Variants in FOXK1 observed in about 807,000 individuals in gnomAD.
FOXK1 encodes the protein forkhead box K1.
A neutral mutation model predicts 51.9 loss-of-function variants in FOXK1; 19 were observed. The observed-to-expected ratio is 0.37, with a 90% CI of 0.26 to 0.54. The LOEUF (loss-of-function observed/expected upper bound fraction) is 0.54, where lower values mean the gene tolerates loss of function less well. FOXK1 is among the 20% of genes least tolerant of loss of function. FOXK1 has a pLI of 0.87. For missense variants in FOXK1, 870 were observed against 1,032.7 expected (o/e 0.84, Z 2.16); for synonymous variants, 537 against 482.6 (o/e 1.11, Z -1.48).
rs531922825 is a variant in FOXK1 at position 4,763,594 on chromosome 7, C to A, written c.*1130C>A. The A allele has an allele frequency of 6.6e-6, 1 of 152,496 alleles. No homozygotes were observed. The highest frequency in any genetic ancestry group is 2.1e-4 in the South Asian group (1 of 4,836). The allele number at this position is 152,496 out of a possible 1,614,324, so 9.4% of individuals were successfully genotyped here. On this transcript the variant is annotated 3_prime_UTR_variant, in exon 9 of 9. Transcript: ENST00000328914. The stretch of plus-strand genomic sequence containing the variant: ...AGTGGTGAGCAGGCCTGTGCCTCCA[C>A]GCCCAGCCCCCGCCAACGCGACTGG...
At chr7:4,721,871 G>A (rs573275935) in intron 1 of FOXK1, among the ~76,000 whole-genome samples, 7 of 152,240 alleles carry the variant, frequency 4.6e-5, no homozygotes, top group Middle Eastern at 3.4e-3. Context: ...GATTACAGGC[G>A]TGAGCCACCA....
intron 1 of FOXK1, among the ~76,000 whole-genome samples, chr7:4,708,320 C>T (rs1780131008): frequency 6.6e-6 from 1 of 152,128 alleles, no homozygotes; most frequent in Non-Finnish European, 1.5e-5. Context: ...TGACCCCAGC[C>T]GCCCTTAGGA....
At chr7:4,721,526 A>G (rs977060649) in intron 1 of FOXK1, among the ~76,000 whole-genome samples, 1 of 152,038 alleles carries the variant, frequency 6.6e-6, no homozygotes, top group Non-Finnish European at 1.5e-5. Flanking sequence ...CCAGCTCTCC[A>G]ATGATAAGAG....
Position 4,765,397 on chromosome 7 carries a change from A to G in FOXK1, c.*2933A>G, listed in dbSNP as rs1780997256. 1 of 152,268 alleles carries G rather than the reference A, an allele frequency of 6.6e-6. No homozygotes were observed. Among genetic ancestry groups the G allele is most frequent in the South Asian group, 2.1e-4 (1 of 4,836 alleles). 9.4% of individuals were successfully genotyped at this position (152,268 alleles called of 1,614,324 possible). A position where few individuals can be genotyped will look rare whatever the true frequency, so the allele number is the denominator to read the frequency against. On this transcript the variant is annotated 3_prime_UTR_variant, in exon 9 of 9. Coordinates refer to ENST00000328914, the MANE Select transcript of FOXK1 (RefSeq NM_001037165.2). ...TTTCGCAGAAGCAAGAGCACAGGCC[A>G]GGGGGACCGGGAGAGCCTCAGCCCC... is the stretch of plus-strand genomic sequence containing the variant.
At position 4,700,328 on chromosome 7, in the gene FOXK1, C is replaced by T. The variant is rs141654155; in HGVS notation, c.560+17460C>T. Among the ~76,000 whole-genome samples, 209 of 152,258 alleles carry T rather than the reference C, an allele frequency of 1.4e-3. 1 individual carries two copies. Among genetic ancestry groups the T allele is most frequent in the African/African-American group, 4.8e-3 (199 of 41,540 alleles). Reference sequence around the variant, plus strand: ...TAAACAAATAGGAGAGATCTGAATGCAAAAATAACCTGGTGTAAGAAAGTG... The same window carrying T: ...TAAACAAATAGGAGAGATCTGAATGTAAAAATAACCTGGTGTAAGAAAGTG... On this transcript the variant is annotated intron_variant, in intron 1 of 8. Coordinates refer to ENST00000328914, the MANE Select transcript of FOXK1 (RefSeq NM_001037165.2).
Position 4,748,854 on chromosome 7 carries a change from T to C in FOXK1, c.747-5605T>C, listed in dbSNP as rs1260141810. Among the ~76,000 whole-genome samples the C allele has an allele frequency of 6.6e-6, 1 of 152,070 alleles. No individual in the cohort carries two copies. Among genetic ancestry groups the C allele is most frequent in the East Asian group, 1.9e-4 (1 of 5,184 alleles). The stretch of plus-strand genomic sequence containing the variant: ...CCACCATGCCCGGCTAATTTTTGTA[T>C]TTTTTGTAGAGGTGGGGTCTCCCCA... On this transcript the variant is annotated intron_variant, in intron 2 of 8. Transcript: ENST00000328914. This position sits in a 1 kb window ranked among gnomAD's most constrained non-coding sequence, Gnocchi z 4.9.
Position 4,707,453 on chromosome 7 carries a change from C to G in FOXK1, c.560+24585C>G, listed in dbSNP as rs1312476553. 6.6e-6 allele frequency among the ~76,000 whole-genome samples: 1 copy of G among 152,208 alleles called. No homozygotes were observed. The highest frequency in any genetic ancestry group is 1.5e-5 in the Non-Finnish European group (1 of 68,040). On this transcript the variant is annotated intron_variant, in intron 1 of 8. Coordinates refer to ENST00000328914, the MANE Select transcript of FOXK1 (RefSeq NM_001037165.2). This position sits in a 1 kb window ranked among gnomAD's most constrained non-coding sequence, Gnocchi z 4.1. ...GCGGGCTTTCCGTGTTATTAATCTA[C>G]TTTATGACCCAGTTTCCCCAAATGG...
rs1454965321 is a variant in FOXK1, at chr7:4,731,579, G to T, written c.561-9259G>T. Among the ~76,000 whole-genome samples, 2 of 152,054 alleles carry T rather than the reference G, an allele frequency of 1.3e-5. No homozygotes were observed. The highest frequency in any genetic ancestry group is 4.8e-5 in the African/African-American group (2 of 41,402). ...GTTCAAGACCAGCCTGGCCAACATG[G>T]TGAAACCCCATCTCTACTAAAAATA... On this transcript the variant is annotated intron_variant, in intron 1 of 8. Coordinates refer to ENST00000328914, the MANE Select transcript of FOXK1 (RefSeq NM_001037165.2). The surrounding 1 kb of genome is among the most constrained non-coding windows in gnomAD (Gnocchi z 5.3).
chr7:4,687,731 G>A (rs1430201909), intron 1 of FOXK1, among the ~76,000 whole-genome samples: 1 of 151,894 alleles, frequency 6.6e-6, no homozygotes, highest in Non-Finnish European at 1.5e-5. Flanking sequence ...AAGCCTTTTC[G>A]CCCAGTATTT....
At position 4,747,968 on chromosome 7, in the gene FOXK1, T is replaced by C. The variant is rs1780727942; in HGVS notation, c.747-6491T>C. ...TCAAGCGATCCTCCCACCTCAGCCG[T>C]GACTACAGGAGCAATCCACTAGTTA... On this transcript the variant is annotated intron_variant, in intron 2 of 8. Coordinates refer to ENST00000328914, the MANE Select transcript of FOXK1 (RefSeq NM_001037165.2). The surrounding 1 kb of genome is among the most constrained non-coding windows in gnomAD (Gnocchi z 9.2). Among the ~76,000 whole-genome samples the C allele has an allele frequency of 1.3e-5, 2 of 152,142 alleles. No individual in the cohort carries two copies. Among genetic ancestry groups the C allele is most frequent in the African/African-American group, 4.8e-5 (2 of 41,418 alleles).
In FOXK1 at chr7:4,731,389, G is replaced by A. The variant is rs559544489; in HGVS notation, c.561-9449G>A. Among the ~76,000 whole-genome samples the A allele has an allele frequency of 6.6e-6, 1 of 152,246 alleles. No individual in the cohort carries two copies. The highest frequency in any genetic ancestry group is 1.5e-5 in the Non-Finnish European group (1 of 68,036). ...AAAATTCGAAAAGTACCTGGAGTAT[G>A]TAACAGCTTTTGCCTCCCATTCTTG... is the stretch of plus-strand genomic sequence containing the variant. On this transcript the variant is annotated intron_variant, in intron 1 of 8. Coordinates refer to ENST00000328914, the MANE Select transcript of FOXK1 (RefSeq NM_001037165.2). The surrounding 1 kb of genome is among the most constrained non-coding windows in gnomAD (Gnocchi z 5.3).
intron 1 of FOXK1, among the ~76,000 whole-genome samples, chr7:4,697,253 A>G (rs576175327): frequency 7.9e-5 from 12 of 152,254 alleles, no homozygotes; most frequent in African/African-American, 2.9e-4. Flanking sequence ...CACTCAAGCC[A>G]GTGACCAGAG....
At chr7:4,710,446 G>T (rs866269498) in intron 1 of FOXK1, among the ~76,000 whole-genome samples, 1 of 152,242 alleles carries the variant, frequency 6.6e-6, no homozygotes, top group African/African-American at 2.4e-5. Flanking sequence ...GTGGTGAGGG[G>T]TGCCTGTAAT....
rs1440334423 is a variant in FOXK1 at position 4,749,584 on chromosome 7, G to C, written c.747-4875G>C. Among the ~76,000 whole-genome samples the C allele has an allele frequency of 6.6e-6, 1 of 152,176 alleles. No individual in the cohort carries two copies. Among genetic ancestry groups the C allele is most frequent in the East Asian group, 1.9e-4 (1 of 5,182 alleles). On this transcript the variant is annotated intron_variant, in intron 2 of 8. Coordinates refer to ENST00000328914, the MANE Select transcript of FOXK1 (RefSeq NM_001037165.2). The surrounding 1 kb of genome is among the most constrained non-coding windows in gnomAD (Gnocchi z 6.0). ...GCAGCTCCTTCCTCCAGCCCCTCCA[G>C]GCGGGTCCCTCTGTGTCTCTAGGGC...
chr7:4,748,867 T>G lies in FOXK1; in HGVS notation c.747-5592T>G, dbSNP rs1369116810. Among the ~76,000 whole-genome samples, 1 of 152,006 alleles carries G rather than the reference T, an allele frequency of 6.6e-6. No individual in the cohort carries two copies. Among genetic ancestry groups the G allele is most frequent in the Non-Finnish European group, 1.5e-5 (1 of 67,972 alleles). ...CTAATTTTTGTATTTTTTGTAGAGG[T>G]GGGGTCTCCCCATGTTGCCCAGGCT... On this transcript the variant is annotated intron_variant, in intron 2 of 8. Transcript: ENST00000328914. The surrounding 1 kb of genome is among the most constrained non-coding windows in gnomAD (Gnocchi z 4.9).
At chr7:4,696,710 G>A (rs1779956666) in intron 1 of FOXK1, among the ~76,000 whole-genome samples, 1 of 152,154 alleles carries the variant, frequency 6.6e-6, no homozygotes, top group Non-Finnish European at 1.5e-5. Context: ...CCTTCTAATA[G>A]ATAAACCCCA....
chr7:4,740,950 C>G lies in FOXK1; in HGVS notation c.673C>G (p.Leu225Val). 6.4e-7 allele frequency: 1 copy of G among 1,573,266 alleles called. No homozygotes were observed. Among genetic ancestry groups the G allele is most frequent in the Non-Finnish European group, 8.6e-7 (1 of 1,163,124 alleles). ...LRPLYPQISP[L>V]KIHIPEPDLR... ...GCCACTGTACCCCCAGATCTCCCCT[C>G]TGAAGATCCACATCCCGGAGCCGGA... Residue 225 changes from leucine (L) to valine (V), a missense_variant, in exon 2 of 9, where the codon CTG becomes GTG. Coordinates refer to ENST00000328914, the MANE Select transcript of FOXK1 (RefSeq NM_001037165.2).
chr7:4,735,705 C>G lies in FOXK1; in HGVS notation c.561-5133C>G, dbSNP rs764703700. On this transcript the variant is annotated intron_variant, in intron 1 of 8. Transcript: ENST00000328914. This position sits in a 1 kb window ranked among gnomAD's most constrained non-coding sequence, Gnocchi z 4.7. ...TAGCGGAATCTCCGCCGGTCAAGACCGGCAGTGTGTGTGGCTGGGTTTAAA... is the reference window on the plus strand; with the variant it reads ...TAGCGGAATCTCCGCCGGTCAAGACGGGCAGTGTGTGTGGCTGGGTTTAAA... Among the ~76,000 whole-genome samples, 1 of 152,190 alleles carries G rather than the reference C, an allele frequency of 6.6e-6. No individual in the cohort carries two copies. The highest frequency in any genetic ancestry group is 2.4e-5 in the African/African-American group (1 of 41,446).
chr7:4,736,447 CTG>C (rs1249365008), intron 1 of FOXK1, among the ~76,000 whole-genome samples: 3 of 145,832 alleles, frequency 2.1e-5, no homozygotes, highest in Admixed American at 6.9e-5. Context: ...GAGTTTTGCT[CTG>C]TTGCCCAGGC....
Sources: gnomAD v4.1 joint callset for allele counts (sites outside exome capture counted in the v4.1 genomes callset) on GRCh38, gnomAD v4.1.1 for gene constraint, Gnocchi (gnomAD v3.1) non-coding constraint, MANE v1.5 for transcripts, NCBI Gene and HGNC (gene_info 2026-07-23, HGNC 2026-07-21) for gene names.